PLXNA2: variants seen among roughly 807,000 people sequenced by gnomAD.
PLXNA2 encodes plexin A2.
In PLXNA2, 91 loss-of-function variants were observed where a neutral mutation model predicts 193.5. The ratio of observed to expected loss-of-function variants is 0.47; its 90% CI spans 0.40 to 0.56. The LOEUF is 0.56. PLXNA2 is among the 20% of genes least tolerant of loss of function. The pLI is 0.00. For synonymous variants in PLXNA2, 997 were observed against 1,027.3 expected, an observed-to-expected ratio of 0.97 and a Z score of 0.56; for missense variants, 1,995 against 2,503.2, an observed-to-expected ratio of 0.80 and a Z score of 4.33.
intron 1 of PLXNA2, among the ~76,000 whole-genome samples, chr1:208,233,621 G>A (rs1305643379): frequency 6.6e-6 from 1 of 152,226 alleles, no homozygotes; most frequent in Non-Finnish European, 1.5e-5. Flanking sequence ...GCAAATCCAA[G>A]CTGGGGCGAC....
Position 208,022,694 on chromosome 1 carries a change from A to G in PLXNA2, c.*4549T>C, listed in dbSNP as rs1664219449. On this transcript the variant is annotated 3_prime_UTR_variant, in exon 32 of 32. Coordinates refer to ENST00000367033, the MANE Select transcript of PLXNA2 (RefSeq NM_025179.4). The stretch of plus-strand genomic sequence containing the variant: ...ACCTTCCATGCCAAGATGAAGGCCA[A>G]ATAAGTCAAAGTGAGGACTTTGAAA... 4 of 152,706 alleles carry G rather than the reference A, an allele frequency of 2.6e-5. No individual in the cohort carries two copies. In the South Asian group the frequency reaches 8.3e-4, roughly 32 times the overall value. 9.5% of individuals were successfully genotyped at this position (152,706 alleles called of 1,614,324 possible). A position where few individuals can be genotyped will look rare whatever the true frequency, so the allele number is the denominator to read the frequency against.
chr1:208,057,505 A>T (rs1002772347), intron 13 of PLXNA2, among the ~76,000 whole-genome samples: 1 of 152,180 alleles, frequency 6.6e-6, no homozygotes, highest in African/African-American at 2.4e-5. Context: ...AGAGCTAACC[A>T]CTTGTCCCCT....
rs775097684 is a variant in PLXNA2 at position 208,051,345 on chromosome 1, G to C, written c.3072C>G (p.Val1024=). 292 of 1,613,442 alleles carry C rather than the reference G, an allele frequency of 1.8e-4. No individual in the cohort carries two copies. The highest frequency in any genetic ancestry group is 2.4e-4 in the Non-Finnish European group (287 of 1,179,842). The change falls in exon 16 of 32, where the codon GTC becomes GTG. Residue 1024 remains valine (V), a synonymous_variant. Transcript: ENST00000367033. The stretch of plus-strand genomic sequence containing the variant: ...GGTTGCTATCCACATGGGCTCGGTC[G>C]ACACTCACAGAAACAGGGACCGGGC... ...GLGPVPVSVS[V]DRAHVDSNLQ...
chr1:208,093,732 C>T (rs566179421), intron 8 of PLXNA2, among the ~76,000 whole-genome samples: 7 of 152,290 alleles, frequency 4.6e-5, no homozygotes, highest in East Asian at 3.9e-4. Context: ...GTGGTATGTG[C>T]TTTTCTTGCC....
intron 3 of PLXNA2, among the ~76,000 whole-genome samples, chr1:208,153,211 A>G (rs757542288): frequency 4.6e-5 from 7 of 152,158 alleles, no homozygotes; most frequent in Non-Finnish European, 1.0e-4. Context: ...GTTTGATGTC[A>G]TGCTAAAGGC....
chr1:208,151,993 G>C (rs1348990850), intron 3 of PLXNA2, among the ~76,000 whole-genome samples: 1 of 152,242 alleles, frequency 6.6e-6, no homozygotes, highest in Non-Finnish European at 1.5e-5. Context: ...CTGTGACAAA[G>C]AAGGCCACCT....
chr1:208,092,032 G>A (rs1417539012), intron 9 of PLXNA2, among the ~76,000 whole-genome samples: 4 of 152,192 alleles, frequency 2.6e-5, no homozygotes, highest in Admixed American at 1.3e-4. Context: ...AACTGGCCAT[G>A]CTGGGGTATG....
At chr1:208,070,497 G>A (rs985771848) in intron 12 of PLXNA2, among the ~76,000 whole-genome samples, 4 of 152,218 alleles carry the variant, frequency 2.6e-5, no homozygotes, top group African/African-American at 9.6e-5. Flanking sequence ...TTCTGCAGCA[G>A]GCTTGAGGAA....
At chr1:208,186,744 G>C (rs55941807) in intron 3 of PLXNA2, among the ~76,000 whole-genome samples, 49,256 of 139,066 alleles carry the variant, frequency 0.35, 9,231 homozygotes, top group Middle Eastern at 0.41. Flanking sequence ...ACGGAGTCTC[G>C]CTCTGTCGCC....
At position 208,045,911 on chromosome 1, in the gene PLXNA2, C is replaced by T. The variant is rs1228888766; in HGVS notation, c.3462G>A (p.Leu1154=). The change falls in exon 18 of 32, where the codon TTG becomes TTA. Residue 1154 remains leucine (L), a synonymous_variant. Coordinates refer to ENST00000367033, the MANE Select transcript of PLXNA2 (RefSeq NM_025179.4). ...TGATGGGCGATCCTGGCTTTTGATC[C>T]AAGACTCCAGTAGGGCTAAGCAGTT... ...TFELLSPTGV[L]DQKPGSPIIL... The T allele has an allele frequency of 6.2e-7, 1 of 1,614,124 alleles. No individual in the cohort carries two copies. Among genetic ancestry groups the T allele is most frequent in the African/African-American group, 1.3e-5 (1 of 74,942 alleles).
intron 5 of PLXNA2, among the ~76,000 whole-genome samples, chr1:208,099,474 T>C (rs949285152): frequency 3.9e-4 from 59 of 152,224 alleles, no homozygotes; most frequent in Non-Finnish European, 6.3e-4. Flanking sequence ...TGTACGCCTA[T>C]GGAGAGGATA....
intron 4 of PLXNA2, among the ~76,000 whole-genome samples, chr1:208,135,471 G>A (rs543049056): frequency 6.6e-6 from 1 of 152,254 alleles, no homozygotes; most frequent in East Asian, 1.9e-4. Context: ...AAATTTCCAG[G>A]CAGTGTGATC....
intron 12 of PLXNA2, among the ~76,000 whole-genome samples, chr1:208,077,859 A>G (rs1032487668): frequency 6.6e-6 from 1 of 152,134 alleles, no homozygotes; most frequent in Admixed American, 6.5e-5. Flanking sequence ...GTGCTCTCCT[A>G]ACTCCTCTCT....
chr1:208,146,791 G>A (rs949020853), intron 3 of PLXNA2, among the ~76,000 whole-genome samples: 2 of 152,178 alleles, frequency 1.3e-5, no homozygotes, highest in African/African-American at 2.4e-5. Flanking sequence ...ACCAGGCAGC[G>A]GAGGATACTG....
chr1:208,045,133 A>G lies in PLXNA2; in HGVS notation c.3573T>C (p.Ala1191=). 2 of 1,614,170 alleles carry G rather than the reference A, an allele frequency of 1.2e-6. No individual in the cohort carries two copies. The highest frequency in any genetic ancestry group is 1.7e-6 in the Non-Finnish European group (2 of 1,180,020). ...GAAGCTGGGTCTCAGATACGGTGACAGCACAAGGGGTCTCTCCGATGAGCA... is the reference window on the plus strand; with the variant it reads ...GAAGCTGGGTCTCAGATACGGTGACGGCACAAGGGGTCTCTCCGATGAGCA... ...YTVLIGETPC[A]VTVSETQLLC... Residue 1191 remains alanine, a synonymous_variant, in exon 19 of 32, where the codon GCT becomes GCC. Transcript: ENST00000367033.
At chr1:208,193,363 TA>T (rs1008106849) in intron 3 of PLXNA2, among the ~76,000 whole-genome samples, 9 of 152,206 alleles carry the variant, frequency 5.9e-5, no homozygotes, top group African/African-American at 2.2e-4. Flanking sequence ...TAATGCTACT[TA>T]GCTCACACAT....
At position 208,026,999 on chromosome 1, in the gene PLXNA2, C is replaced by T. The variant is rs896591513; in HGVS notation, c.*244G>A. 1 of 419,168 alleles carries T rather than the reference C, an allele frequency of 2.4e-6. No homozygotes were observed. The highest frequency in any genetic ancestry group is 3.9e-5 in the Admixed American group (1 of 25,438). 26.0% of individuals were successfully genotyped at this position (419,168 alleles called of 1,614,324 possible). A position where few individuals can be genotyped will look rare whatever the true frequency, so the allele number is the denominator to read the frequency against. On this transcript the variant is annotated 3_prime_UTR_variant, in exon 32 of 32. Coordinates refer to ENST00000367033, the MANE Select transcript of PLXNA2 (RefSeq NM_025179.4). The stretch of plus-strand genomic sequence containing the variant: ...CTCTCGGCTTGAAGAACCACCTTCT[C>T]CCGGCCCCGGGTTCTCTGGTGTTCT...
rs760903809 is a variant in PLXNA2, at chr1:208,079,393, T to C, written c.2453A>G (p.Asp818Gly). ...GCACCAGCCACACTCAAACTTCCGG[T>C]CGGCCTTGAGGCAGAGGCCGCAGCT... ...RESCGLCLKA[D>G]RKFECGWCSG... Residue 818 changes from aspartate (D) to glycine (G), a missense_variant, in exon 12 of 32, where the codon GAC (aspartate) becomes GGC (glycine). By Grantham distance (94) the Asp-to-Gly change is moderately conservative. Transcript: ENST00000367033. 6.2e-7 allele frequency: 1 copy of C among 1,613,566 alleles called. No individual in the cohort carries two copies. The highest frequency in any genetic ancestry group is 8.5e-7 in the Non-Finnish European group (1 of 1,179,754).
intron 4 of PLXNA2, among the ~76,000 whole-genome samples, chr1:208,104,958 CT>C (rs1021808675): frequency 1.3e-5 from 2 of 152,172 alleles, no homozygotes; most frequent in Non-Finnish European, 2.9e-5. Context: ...TTTGAGTTGA[CT>C]CAAAGTCAAC....
Sources: allele counts gnomAD v4.1 joint callset (sites outside exome capture counted in the v4.1 genomes callset), GRCh38; gene constraint gnomAD v4.1.1; transcripts MANE v1.5; gene names NCBI Gene and HGNC (gene_info 2026-07-23, HGNC 2026-07-21).